The following UBAC2 variants were observed in gnomAD, a reference collection of about 807,000 sequenced individuals.
UBAC2 encodes ubiquitin-associated domain-containing protein 2.
In UBAC2, 26 loss-of-function variants were observed where a neutral mutation model predicts 44.0. That is an observed-to-expected ratio of 0.59 (90% CI 0.43 to 0.82). The LOEUF is 0.82. Ranked by LOEUF, UBAC2 falls within the 40% of genes least tolerant of loss-of-function variation. The pLI, the probability that UBAC2 is intolerant of heterozygous loss-of-function variation, is 0.00. For synonymous variants in UBAC2, 155 were observed against 154.3 expected (o/e 1.00, Z -0.04); for missense variants, 329 against 419.4 (o/e 0.78, Z 1.88).
intron 2 of UBAC2, among the ~76,000 whole-genome samples, chr13:99,243,302 C>A (rs929836695): frequency 4.0e-5 from 5 of 124,586 alleles, no homozygotes; most frequent in Non-Finnish European, 4.7e-5. Flanking sequence ...TTGGGTGAAA[C>A]AATGATTTAA....
chr13:99,204,532 T>C (rs758604615), intron 1 of UBAC2, among the ~76,000 whole-genome samples: 23 of 152,032 alleles, frequency 1.5e-4, no homozygotes, highest in Non-Finnish European at 2.6e-4. Context: ...TTTTAAACTT[T>C]AAAGAGGGAG....
At chr13:99,252,232 G>A (rs2043467039) in intron 4 of UBAC2, among the ~76,000 whole-genome samples, 1 of 152,246 alleles carries the variant, frequency 6.6e-6, no homozygotes, top group African/African-American at 2.4e-5. Context: ...CCTTATATGT[G>A]TATTACAACA....
intron 1 of UBAC2, among the ~76,000 whole-genome samples, chr13:99,215,954 T>G (rs1483564882): frequency 6.6e-6 from 1 of 152,250 alleles, no homozygotes; most frequent in Non-Finnish European, 1.5e-5. Context: ...TATTTTCCTA[T>G]TGTAACAAAA....
chr13:99,223,553 T>G (rs2043076343), intron 1 of UBAC2, among the ~76,000 whole-genome samples: 1 of 148,474 alleles, frequency 6.7e-6, no homozygotes, highest in Non-Finnish European at 1.5e-5. Flanking sequence ...TTTTTTTTTT[T>G]TTTTTTTTTT....
intron 6 of UBAC2, among the ~76,000 whole-genome samples, chr13:99,339,020 C>G (rs538196996): frequency 6.6e-6 from 1 of 152,160 alleles, no homozygotes; most frequent in Non-Finnish European, 1.5e-5. Flanking sequence ...CCTCCTCCCC[C>G]CCATTTTATC....
At chr13:99,266,632 T>C (rs890247682) in intron 4 of UBAC2, among the ~76,000 whole-genome samples, 2 of 152,222 alleles carry the variant, frequency 1.3e-5, no homozygotes, top group African/African-American at 4.8e-5. Context: ...TATCTGATAT[T>C]ATACTAAGAT....
intron 4 of UBAC2, among the ~76,000 whole-genome samples, chr13:99,249,486 G>A (rs942176363): frequency 6.6e-6 from 1 of 152,174 alleles, no homozygotes; most frequent in African/African-American, 2.4e-5. Context: ...ATTGTGAATA[G>A]TTCTGGAATG....
chr13:99,381,665 G>T (rs993017200), intron 8 of UBAC2, among the ~76,000 whole-genome samples: 1 of 152,174 alleles, frequency 6.6e-6, no homozygotes, highest in Non-Finnish European at 1.5e-5. Flanking sequence ...TTCCACCCAA[G>T]ATTGGAAAGA....
intron 6 of UBAC2, among the ~76,000 whole-genome samples, chr13:99,335,611 T>C (rs1250847304): frequency 6.6e-6 from 1 of 152,240 alleles, no homozygotes; most frequent in Non-Finnish European, 1.5e-5. Context: ...ATACCTTCTA[T>C]GTGTATTTTT....
intron 8 of UBAC2, among the ~76,000 whole-genome samples, chr13:99,384,391 A>G (rs2045591396): frequency 6.6e-6 from 1 of 152,238 alleles, no homozygotes; most frequent in Admixed American, 6.5e-5. Flanking sequence ...TATATTCTTA[A>G]TTGGGAAAAA....
intron 4 of UBAC2, chr13:99,256,013 A>G: frequency 1.4e-6 from 1 of 733,530 alleles, no homozygotes; most frequent in Non-Finnish European, 2.2e-6. Flanking sequence ...GTTCGAGAGC[A>G]TTTAATCAAG....
chr13:99,357,871 C>CGCA (rs1269407357), intron 7 of UBAC2, among the ~76,000 whole-genome samples: 1 of 152,206 alleles, frequency 6.6e-6, no homozygotes, highest in Non-Finnish European at 1.5e-5. Context: ...AGCAATATGC[C>CGCA]TCACTATGTC....
At chr13:99,352,953 C>A (rs760761342) in intron 7 of UBAC2, among the ~76,000 whole-genome samples, 2 of 152,160 alleles carry the variant, frequency 1.3e-5, no homozygotes, top group Non-Finnish European at 2.9e-5. Flanking sequence ...CCAAAGGGAG[C>A]GAATTCTCAT....
intron 1 of UBAC2, among the ~76,000 whole-genome samples, chr13:99,209,982 C>T (rs1279960730): frequency 2.0e-5 from 3 of 151,888 alleles, no homozygotes; most frequent in South Asian, 4.2e-4. Flanking sequence ...AAAAACAAAA[C>T]AAAAAACAAA....
intron 6 of UBAC2, among the ~76,000 whole-genome samples, chr13:99,339,349 C>G (rs2044849919): frequency 6.6e-6 from 1 of 152,200 alleles, no homozygotes; most frequent in Non-Finnish European, 1.5e-5. Context: ...CACTTTATTT[C>G]CTTCCCAGAA....
rs578100518 is a variant in UBAC2 at position 99,247,013 on chromosome 13, T to A, written c.389+2389T>A. On this transcript the variant is annotated intron_variant, in intron 4 of 8. Transcript: ENST00000403766. ...TCTTAAAAACATTTTTATTATTATT[T>A]TTGGTAGAGAAAAGGTTTTGCTATG... Among the ~76,000 whole-genome samples the A allele has an allele frequency of 7.2e-4, 109 of 152,236 alleles. 1 individual carries two copies. Among genetic ancestry groups the A allele is most frequent in the South Asian group, 1.0e-3 (5 of 4,826 alleles).
chr13:99,240,818 C>T (rs2043291064), intron 2 of UBAC2, among the ~76,000 whole-genome samples: 1 of 152,208 alleles, frequency 6.6e-6, no homozygotes, highest in Non-Finnish European at 1.5e-5. Flanking sequence ...GACAAAGACT[C>T]TGCCTGGTGT....
chr13:99,267,609 A>G (rs1199327215), intron 4 of UBAC2, among the ~76,000 whole-genome samples: 3 of 152,240 alleles, frequency 2.0e-5, no homozygotes, highest in Non-Finnish European at 4.4e-5. Flanking sequence ...TGCTCACTTC[A>G]GAGCCTTCCA....
intron 6 of UBAC2, among the ~76,000 whole-genome samples, chr13:99,327,555 C>T (rs1011891774): frequency 6.6e-6 from 1 of 151,952 alleles, no homozygotes; most frequent in African/African-American, 2.4e-5. Context: ...TATTTTCCTT[C>T]TGTCTTGATG....
Sources: allele counts gnomAD v4.1 joint callset (sites outside exome capture counted in the v4.1 genomes callset), GRCh38; gene constraint gnomAD v4.1.1; transcripts MANE v1.5; gene names NCBI Gene and HGNC (gene_info 2026-07-23, HGNC 2026-07-21).